Variants in OAS1 observed in about 807,000 individuals in gnomAD.
The protein encoded by OAS1 is 2'-5'-oligoadenylate synthetase 1.
In OAS1, 24 loss-of-function variants were observed where a neutral mutation model predicts 38.5. The ratio of observed to expected loss-of-function variants is 0.62; its 90% CI spans 0.45 to 0.88. The LOEUF (loss-of-function observed/expected upper bound fraction) is 0.88, where lower values mean the gene tolerates loss of function less well. Ranked by LOEUF, OAS1 falls within the 40% of genes least tolerant of loss-of-function variation. The pLI is 0.00. For missense variants in OAS1, 482 were observed against 493.9 expected (o/e 0.98, Z 0.23); for synonymous variants, 169 against 193.9 (o/e 0.87, Z 1.07).
At chr12:112,909,385 G>A (rs1279403694) in intron 2 of OAS1, among the ~76,000 whole-genome samples, 1 of 152,214 alleles carries the variant, frequency 6.6e-6, no homozygotes, top group Non-Finnish European at 1.5e-5. Flanking sequence ...CCAGCCAAGT[G>A]TGGTGGCTCA....
chr12:112,932,125 A>G (rs999680594), exon 7 of OAS1: 1 of 529,412 alleles, frequency 1.9e-6, no homozygotes, highest in Admixed American at 3.5e-5. Context: ...ATATGAATAC[A>G]TGTGAACTCC....
At chr12:112,931,643 T>G (rs2043597635) in intron 6 of OAS1, among the ~76,000 whole-genome samples, 2 of 152,198 alleles carry the variant, frequency 1.3e-5, no homozygotes, top group Non-Finnish European at 2.9e-5. Context: ...ACCATCTGAC[T>G]CTAAAACATC....
intron 6 of OAS1, among the ~76,000 whole-genome samples, chr12:112,927,075 T>G: frequency 6.6e-6 from 1 of 152,238 alleles, no homozygotes; most frequent in East Asian, 1.9e-4. Context: ...GCTATTATCC[T>G]GTTCTTCTTT....
chr12:112,907,126 A>T lies in OAS1; in HGVS notation c.87A>T (p.Gln29His), dbSNP rs1293574811. ...YLLPDTCFRM[Q>H]INHAIDIICG... ...TGCCAGACACGTGTTTCCGCATGCA[A>T]ATCAACCATGCCATTGACATCATCT... The change falls in exon 1 of 6, where the codon CAA becomes CAT. Residue 29 changes from glutamine (Q) to histidine (H), a missense_variant. Coordinates refer to ENST00000202917, the MANE Select transcript of OAS1 (RefSeq NM_016816.4). 2 of 1,614,200 alleles carry T rather than the reference A, an allele frequency of 1.2e-6. No individual in the cohort carries two copies. Among genetic ancestry groups the T allele is most frequent in the South Asian group, 2.2e-5 (2 of 91,086 alleles).
chr12:112,919,707 A>C lies in OAS1; in HGVS notation c.*154A>C, dbSNP rs765057420. ...CAGGTCTCCTGACTCCTGGCCTTCT[A>C]TGCCCTCTATCCTATCATAGATAAC... is the stretch of plus-strand genomic sequence containing the variant. On this transcript the variant is annotated 3_prime_UTR_variant, in exon 6 of 6. Transcript: ENST00000202917. 1 of 1,535,936 alleles carries C rather than the reference A, an allele frequency of 6.5e-7. No homozygotes were observed. The highest frequency in any genetic ancestry group is 1.4e-5 in the African/African-American group (1 of 72,702).
intron 6 of OAS1, among the ~76,000 whole-genome samples, chr12:112,930,285 A>T (rs562868292): frequency 3.3e-5 from 5 of 152,328 alleles, no homozygotes; most frequent in African/African-American, 1.2e-4. Context: ...TGAGCCGATT[A>T]AACCTCTTTT....
chr12:112,911,728 C>T (rs918570787), intron 3 of OAS1, among the ~76,000 whole-genome samples: 28 of 152,182 alleles, frequency 1.8e-4, no homozygotes, highest in African/African-American at 5.3e-4. Context: ...TTATCTGCAA[C>T]GAGTAGCATG....
At chr12:112,918,754 T>C (rs1166541259) in intron 5 of OAS1, 2 of 407,650 alleles carry the variant, frequency 4.9e-6, no homozygotes, top group African/African-American at 4.1e-5. Flanking sequence ...ATCTGACCAA[T>C]GGGAGACTCT....
chr12:112,930,428 C>T (rs1446611605), intron 6 of OAS1, among the ~76,000 whole-genome samples: 1 of 152,230 alleles, frequency 6.6e-6, no homozygotes, highest in African/African-American at 2.4e-5. Context: ...GATTTGAACC[C>T]ACCTTTGTTA....
At chr12:112,917,798 C>T (rs750482889) in intron 5 of OAS1, 98 bp downstream of exon 5, 5 of 1,613,144 alleles carry the variant, frequency 3.1e-6, no homozygotes, top group Non-Finnish European at 2.5e-6. Context: ...GAACTTACCT[C>T]TTGCCAAAGG....
intron 6 of OAS1, among the ~76,000 whole-genome samples, chr12:112,929,823 C>G (rs1399945038): frequency 6.6e-6 from 1 of 152,158 alleles, no homozygotes; most frequent in African/African-American, 2.4e-5. Flanking sequence ...TGGTGGCCTT[C>G]CCTGAGTTAC....
At chr12:112,923,800 T>C (rs1404703742), downstream of OAS1, among the ~76,000 whole-genome samples, 1 of 152,202 alleles carries the variant, frequency 6.6e-6, no homozygotes, top group African/African-American at 2.4e-5. Flanking sequence ...TTGCCAAGAA[T>C]ACACAATGGG....
intron 6 of OAS1, among the ~76,000 whole-genome samples, chr12:112,928,045 G>A (rs1332849125): frequency 6.6e-6 from 1 of 152,136 alleles, no homozygotes. Flanking sequence ...CTGAACTCAG[G>A]ATCACTGCAT....
downstream of OAS1, chr12:112,919,922 A>G: frequency 3.6e-6 from 2 of 554,754 alleles, no homozygotes; most frequent in Middle Eastern, 4.9e-4. Flanking sequence ...GTGTTTATTA[A>G]CTTCAAGGCA....
intron 3 of OAS1, among the ~76,000 whole-genome samples, chr12:112,914,062 T>C (rs2043421765): frequency 6.6e-6 from 1 of 152,204 alleles, no homozygotes; most frequent in South Asian, 2.1e-4. Flanking sequence ...TTGTACCCAA[T>C]GTGTAATCTT....
At chr12:112,910,474 T>C (rs2043359929) in intron 2 of OAS1, among the ~76,000 whole-genome samples, 1 of 152,142 alleles carries the variant, frequency 6.6e-6, no homozygotes, top group Non-Finnish European at 1.5e-5. Flanking sequence ...GGAGCTTTTT[T>C]AGACAGGGTC....
chr12:112,921,760 C>A (rs2043530791), downstream of OAS1, among the ~76,000 whole-genome samples: 1 of 152,144 alleles, frequency 6.6e-6, no homozygotes, highest in Admixed American at 6.5e-5. Flanking sequence ...TAAAAGGGTG[C>A]TAATTTCTGT....
At chr12:112,918,753 A>G (rs942963700) in intron 5 of OAS1, 8 of 410,688 alleles carry the variant, frequency 1.9e-5, no homozygotes, top group African/African-American at 4.1e-5. Context: ...CATCTGACCA[A>G]TGGGAGACTC....
chr12:112,907,088 G>A lies in OAS1; in HGVS notation c.49G>A (p.Glu17Lys), dbSNP rs534305575. The A allele has an allele frequency of 1.9e-6, 3 of 1,614,226 alleles. No homozygotes were observed. Among genetic ancestry groups the A allele is most frequent in the Admixed American group, 3.3e-5 (2 of 60,022 alleles). Residue 17 changes from glutamate to lysine, a missense_variant, in exon 1 of 6, where the codon GAA (glutamate) becomes AAA (lysine). Coordinates refer to ENST00000202917, the MANE Select transcript of OAS1 (RefSeq NM_016816.4). Reference sequence around the variant, plus strand: ...AGCCAAATCTCTGGACAAGTTCATTGAAGACTATCTCTTGCCAGACACGTG... The same window carrying A: ...AGCCAAATCTCTGGACAAGTTCATTAAAGACTATCTCTTGCCAGACACGTG... ...TPAKSLDKFI[E>K]DYLLPDTCFR... is the part of the protein sequence containing the mutation.
Sources: gnomAD v4.1 joint callset for allele counts (sites outside exome capture counted in the v4.1 genomes callset) on GRCh38, gnomAD v4.1.1 for gene constraint, MANE v1.5 for transcripts, NCBI Gene and HGNC (gene_info 2026-07-23, HGNC 2026-07-21) for gene names.